The following MAST4 variants were observed in gnomAD, a reference collection of about 807,000 sequenced individuals.
The protein encoded by MAST4 is microtubule associated serine/threonine kinase family member 4.
MAST4 carries 89 observed loss-of-function variants against 162.7 expected under a neutral mutation model. The ratio of observed to expected loss-of-function variants is 0.55; its 90% confidence interval spans 0.46 to 0.65. The LOEUF is 0.65. Among genes scored for constraint, MAST4 ranks in the 30% least tolerant of loss-of-function variants. The probability of loss-of-function intolerance (pLI) is 0.00; values close to 1 mark genes in which losing one functional copy is unlikely to be tolerated. For synonymous variants in MAST4, 1,479 were observed against 1,361.1 expected, an observed-to-expected ratio of 1.09 and a Z score of -1.91; for missense variants, 3,153 against 3,374.0, an observed-to-expected ratio of 0.93 and a Z score of 1.62.
intron 1 of MAST4, among the ~76,000 whole-genome samples, chr5:66,732,466 G>T (rs147882781): frequency 1.3e-5 from 2 of 152,066 alleles, no homozygotes; most frequent in Non-Finnish European, 2.9e-5. Flanking sequence ...AGAACCACTC[G>T]CTGCATCTTG....
intron 5 of MAST4, among the ~76,000 whole-genome samples, chr5:67,082,984 T>G (rs944900273): frequency 6.6e-5 from 10 of 152,168 alleles, no homozygotes; most frequent in African/African-American, 9.7e-5. Context: ...TCAAAGGTGA[T>G]TCTGATATGC....
At chr5:67,053,998 G>A (rs762210227) in intron 4 of MAST4, among the ~76,000 whole-genome samples, 2 of 152,168 alleles carry the variant, frequency 1.3e-5, no homozygotes, top group Non-Finnish European at 2.9e-5. Flanking sequence ...TAATTAGTGC[G>A]TCATTATAAG....
chr5:66,596,415 C>CCCGGAT lies in MAST4; in HGVS notation c.-238_-237insGATCCG. 2.5e-6 allele frequency: 1 copy of CCCGGAT among 401,454 alleles called. No homozygotes were observed. Among genetic ancestry groups the CCCGGAT allele is most frequent in the Admixed American group, 4.5e-5 (1 of 22,132 alleles). The allele number at this position is 401,454 out of a possible 1,614,324, so 24.9% of individuals were successfully genotyped here. On this transcript the variant is annotated 5_prime_UTR_variant, in exon 1 of 29. Transcript: ENST00000403625. ...AGCACAGTGGAGCGCAGATCGCGGA[C>CCCGGAT]CCGAGCGGGCATGTCCCCGCGCGCG... is the stretch of plus-strand genomic sequence containing the variant.
At chr5:66,990,065 A>C (rs1749902305) in intron 4 of MAST4, among the ~76,000 whole-genome samples, 1 of 152,314 alleles carries the variant, frequency 6.6e-6, no homozygotes, top group South Asian at 2.1e-4. Flanking sequence ...TCAGTGTGGT[A>C]AGAAGTTAAT....
chr5:67,046,377 A>G (rs16896190), intron 4 of MAST4, among the ~76,000 whole-genome samples: 2,475 of 152,306 alleles, frequency 0.016, 77 homozygotes, highest in African/African-American at 0.057. Context: ...GTTTATGAAA[A>G]TGTGTTTAAA....
rs542594169 is a variant in MAST4 at position 66,905,180 on chromosome 5, G to T, written c.674+5198G>T. ...AAATTAACCAGGCTTGGAGGCGCAT[G>T]CCTGTAATTCCAGCTACTCTGGAGG... On this transcript the variant is annotated intron_variant, in intron 4 of 28. Transcript: ENST00000403625. Among the ~76,000 whole-genome samples, 4 of 152,016 alleles carry T rather than the reference G, an allele frequency of 2.6e-5. No homozygotes were observed. The South Asian group carries it at 8.3e-4, about 32-fold the overall frequency.
intron 4 of MAST4, among the ~76,000 whole-genome samples, chr5:66,985,470 G>C (rs56878393): frequency 5.3e-5 from 8 of 152,186 alleles, no homozygotes; most frequent in African/African-American, 1.9e-4. Flanking sequence ...ATCTTTGAAA[G>C]GTACGGAAGA....
At chr5:66,835,440 G>C (rs1473804045) in intron 3 of MAST4, among the ~76,000 whole-genome samples, 5 of 151,902 alleles carry the variant, frequency 3.3e-5, no homozygotes, top group African/African-American at 1.2e-4. Context: ...CCCTTTTTAC[G>C]AGTAGTGTGG....
intron 4 of MAST4, among the ~76,000 whole-genome samples, chr5:67,016,978 T>C (rs970426368): frequency 2.6e-5 from 4 of 152,234 alleles, no homozygotes; most frequent in African/African-American, 4.8e-5. Flanking sequence ...GATTTACTTA[T>C]AGGCTTCTTT....
At chr5:66,598,015 G>T (rs1742311907) in intron 1 of MAST4, among the ~76,000 whole-genome samples, 1 of 152,184 alleles carries the variant, frequency 6.6e-6, no homozygotes, top group Non-Finnish European at 1.5e-5. Flanking sequence ...TAATTCCTGA[G>T]TGCCAGTGTT....
intron 3 of MAST4, among the ~76,000 whole-genome samples, chr5:66,844,399 C>G (rs1758661959): frequency 6.6e-6 from 1 of 152,064 alleles, no homozygotes; most frequent in Admixed American, 6.6e-5. Context: ...TGGATTTTAT[C>G]TGTATGCTGA....
chr5:66,876,831 G>A lies in MAST4; in HGVS notation c.643-23120G>A, dbSNP rs925553769. Among the ~76,000 whole-genome samples, 4 of 152,270 alleles carry A rather than the reference G, an allele frequency of 2.6e-5. No individual in the cohort carries two copies. In the East Asian group the frequency reaches 7.7e-4, roughly 29 times the overall value. ...GACAGTTGTGGGTGGTTGGGTAAAT[G>A]GGGGAATGTCATAGAGTACCATTTA... On this transcript the variant is annotated intron_variant, in intron 3 of 28. Transcript: ENST00000403625.
intron 4 of MAST4, among the ~76,000 whole-genome samples, chr5:66,943,601 G>A (rs1470583091): frequency 6.6e-6 from 1 of 152,040 alleles, no homozygotes. Context: ...GAACAGCTTG[G>A]TGAATGCCTT....
At chr5:66,774,127 T>C (rs1406908531) in intron 2 of MAST4, among the ~76,000 whole-genome samples, 2 of 152,252 alleles carry the variant, frequency 1.3e-5, no homozygotes, top group East Asian at 1.9e-4. Flanking sequence ...TTAACAATTA[T>C]GTATGTCATT....
At chr5:66,707,863 C>T (rs1167793243) in intron 1 of MAST4, among the ~76,000 whole-genome samples, 1 of 152,048 alleles carries the variant, frequency 6.6e-6, no homozygotes, top group African/African-American at 2.4e-5. Flanking sequence ...GGTTCTACAC[C>T]CTGGAACCCA....
At chr5:67,077,117 C>T (rs1174257472) in intron 5 of MAST4, among the ~76,000 whole-genome samples, 3 of 152,158 alleles carry the variant, frequency 2.0e-5, no homozygotes, top group Non-Finnish European at 4.4e-5. Flanking sequence ...CTGGTCTGGC[C>T]TATATCTTTT....
At chr5:66,913,233 C>T (rs1369468632) in intron 4 of MAST4, among the ~76,000 whole-genome samples, 1 of 152,098 alleles carries the variant, frequency 6.6e-6, no homozygotes, top group Non-Finnish European at 1.5e-5. Flanking sequence ...TAATAAAATA[C>T]CCATCTCCCC....
In MAST4 at chr5:67,167,041, A is replaced by C. The variant is rs959237904; in HGVS notation, c.7862A>C (p.Lys2621Thr). The C allele has an allele frequency of 6.3e-7, 1 of 1,583,410 alleles. No individual in the cohort carries two copies. The highest frequency in any genetic ancestry group is 8.6e-7 in the Non-Finnish European group (1 of 1,164,178). The change falls in exon 29 of 29, where the codon AAG (lysine) becomes ACG (threonine). Residue 2621 changes from lysine (K) to threonine (T), a missense_variant. By Grantham distance (78) the Lys-to-Thr change is moderately conservative (BLOSUM62 -1). Transcript: ENST00000403625. ...KESLRSSPHK[K>T]AL The stretch of plus-strand genomic sequence containing the variant: ...AGTTTGCGTAGCAGCCCTCACAAAA[A>C]GGCCTTGTAACGGGGAGGGCCCAGG...
At chr5:66,755,779 A>G (rs1303551934) in intron 1 of MAST4, among the ~76,000 whole-genome samples, 2 of 151,948 alleles carry the variant, frequency 1.3e-5, no homozygotes, top group Non-Finnish European at 2.9e-5. Flanking sequence ...TTGGGGAGTG[A>G]GAACACTTAA....
Sources: allele counts gnomAD v4.1 joint callset (sites outside exome capture counted in the v4.1 genomes callset), GRCh38; gene constraint gnomAD v4.1.1; transcripts MANE v1.5; gene names NCBI Gene and HGNC (gene_info 2026-07-23, HGNC 2026-07-21).